The following TMEM185A variants were observed in gnomAD, a reference collection of about 807,000 sequenced individuals.
TMEM185A encodes transmembrane protein 185A, also known as family with sequence similarity 11, member A.
A neutral mutation model predicts 25.0 loss-of-function variants in TMEM185A; 9 were observed. The observed-to-expected ratio is 0.36, with a 90% CI of 0.22 to 0.63. TMEM185A has a LOEUF of 0.63. TMEM185A is among the 20% of genes least tolerant of loss of function. The pLI is 0.68. For synonymous variants in TMEM185A, 45 were observed against 93.5 expected, an observed-to-expected ratio of 0.48 and a Z score of 2.99; for missense variants, 103 against 237.4, an observed-to-expected ratio of 0.43 and a Z score of 3.72.
At chrX:149,598,746 A>G (rs1288119165) in intron 6 of TMEM185A, among the ~76,000 whole-genome samples, 1 of 80,561 alleles carries the variant, frequency 1.2e-5, no homozygotes, top group Non-Finnish European at 2.2e-5. Context: ...ACCCTCTGGA[A>G]TCCGTGAGGG....
intron 2 of TMEM185A, among the ~76,000 whole-genome samples, chrX:149,609,563 T>C (rs2090070861): frequency 8.9e-6 from 1 of 112,593 alleles, no homozygotes; most frequent in Non-Finnish European, 1.9e-5. Flanking sequence ...AGGCCGCTAA[T>C]CAGGAAAAGG....
intron 4 of TMEM185A, among the ~76,000 whole-genome samples, chrX:149,603,008 C>T (rs1031862491): frequency 8.9e-6 from 1 of 112,006 alleles, no homozygotes; most frequent in African/African-American, 3.2e-5. Context: ...CAAAATTATA[C>T]ATCAAACAAC....
intron 1 of TMEM185A, among the ~76,000 whole-genome samples, chrX:149,613,044 T>G (rs2090092559): frequency 8.9e-6 from 1 of 111,953 alleles, no homozygotes; most frequent in Non-Finnish European, 1.9e-5. Flanking sequence ...GTCCACCTGG[T>G]TAAGCCAGGC....
chrX:149,599,459 G>A lies in TMEM185A; in HGVS notation c.808+95C>T, dbSNP rs2090008414. 5 of 751,418 alleles carry A rather than the reference G, an allele frequency of 6.7e-6. No homozygotes were observed. In the South Asian group the frequency reaches 1.1e-4, roughly 17 times the overall value. 61.9% of individuals were successfully genotyped at this position (751,418 alleles called of 1,213,427 possible). A position where few individuals can be genotyped will look rare whatever the true frequency, so the allele number is the denominator to read the frequency against. ...CAAGCTTCTAAATTGGGGCCCTCGG[G>A]GACTCATCCCTTCCTAGACTTCTAT... On this transcript the variant is annotated intron_variant, in intron 6 of 6. Coordinates refer to ENST00000600449, the MANE Select transcript of TMEM185A (RefSeq NM_032508.4).
chrX:149,611,168 T>C (rs1395877806), intron 2 of TMEM185A, 119 bp downstream of exon 2: 33 of 663,055 alleles, frequency 5.0e-5, no homozygotes, highest in Non-Finnish European at 7.2e-5. Context: ...GCTTATACTA[T>C]AGTTCTAAGA....
intron 1 of TMEM185A, among the ~76,000 whole-genome samples, chrX:149,623,648 T>C (rs782017332): frequency 1.2e-3 from 130 of 107,637 alleles, no homozygotes; most frequent in African/African-American, 4.2e-3. Flanking sequence ...AAAAGAAAAC[T>C]AGTAAACTGA....
intron 1 of TMEM185A, among the ~76,000 whole-genome samples, chrX:149,621,889 T>C (rs1238745841): frequency 8.9e-6 from 1 of 112,040 alleles, no homozygotes; most frequent in African/African-American, 3.3e-5. Context: ...TCCAGAATAA[T>C]CTATTTTAAG....
At chrX:149,623,426 G>T (rs370311095) in intron 1 of TMEM185A, among the ~76,000 whole-genome samples, 3 of 111,754 alleles carry the variant, frequency 2.7e-5, no homozygotes, top group Non-Finnish European at 5.6e-5. Flanking sequence ...AATCAGTAGA[G>T]ACCAGAGGTA....
At chrX:149,602,636 C>T (rs182456130) in intron 4 of TMEM185A, among the ~76,000 whole-genome samples, 34 of 112,336 alleles carry the variant, frequency 3.0e-4, no homozygotes, top group African/African-American at 1.0e-3. Flanking sequence ...GGATGAAGGG[C>T]AGAAAAAATC....
At chrX:149,607,780 C>T (rs1252007592) in intron 3 of TMEM185A, among the ~76,000 whole-genome samples, 1 of 111,736 alleles carries the variant, frequency 8.9e-6, no homozygotes, top group Non-Finnish European at 1.9e-5. Context: ...GGGAGATGGT[C>T]AGTTTTGAGT....
intron 4 of TMEM185A, among the ~76,000 whole-genome samples, chrX:149,603,112 C>T (rs73240494): frequency 0.023 from 2,623 of 111,659 alleles, 41 homozygotes; most frequent in Non-Finnish European, 0.035. Flanking sequence ...TTTTTCCATG[C>T]ATTTAATAGT....
intron 4 of TMEM185A, among the ~76,000 whole-genome samples, chrX:149,603,497 C>T (rs1375623416): frequency 9.0e-6 from 1 of 111,432 alleles, no homozygotes; most frequent in Non-Finnish European, 1.9e-5. Context: ...AGTTCCCAAC[C>T]TCTAGCTCAG....
intron 3 of TMEM185A, among the ~76,000 whole-genome samples, chrX:149,604,791 C>A (rs1431897132): frequency 9.0e-6 from 1 of 110,989 alleles, no homozygotes; most frequent in Non-Finnish European, 1.9e-5. Flanking sequence ...TCAAAGTCAC[C>A]GATAACCGGG....
intron 1 of TMEM185A, among the ~76,000 whole-genome samples, chrX:149,619,591 T>C (rs2090129174): frequency 9.1e-6 from 1 of 109,531 alleles, no homozygotes; most frequent in African/African-American, 3.3e-5. Flanking sequence ...CATGCTGGTG[T>C]GCTGCACCCA....
At chrX:149,630,271 T>C (rs904595400) in intron 1 of TMEM185A, among the ~76,000 whole-genome samples, 2 of 111,559 alleles carry the variant, frequency 1.8e-5, no homozygotes, top group African/African-American at 6.5e-5. Context: ...CAAGTTAAAA[T>C]GTCACCATCC....
chrX:149,628,872 C>G (rs975796435), intron 1 of TMEM185A, among the ~76,000 whole-genome samples: 1 of 112,187 alleles, frequency 8.9e-6, no homozygotes, highest in Non-Finnish European at 1.9e-5. Flanking sequence ...AAAGCAGCAG[C>G]TCTAGATTTA....
chrX:149,604,165 A>T, intron 3 of TMEM185A, 95 bp from the exon 4 acceptor site: 1 of 551,786 alleles, frequency 1.8e-6, no homozygotes, highest in Non-Finnish European at 3.0e-6. Flanking sequence ...TACACATTAT[A>T]ATACAGTGTA....
chrX:149,618,319 G>C (rs1243499673), intron 1 of TMEM185A, among the ~76,000 whole-genome samples: 19 of 110,907 alleles, frequency 1.7e-4, no homozygotes, highest in African/African-American at 6.2e-4. Flanking sequence ...AAAGGGAGGA[G>C]GGTTGTAAGA....
intron 1 of TMEM185A, among the ~76,000 whole-genome samples, chrX:149,629,136 G>C (rs2090178473): frequency 9.0e-6 from 1 of 111,607 alleles, no homozygotes; most frequent in South Asian, 3.8e-4. Context: ...AATCTGGTCA[G>C]GGAAGTCAGG....
Sources: allele counts gnomAD v4.1 joint callset (sites outside exome capture counted in the v4.1 genomes callset), GRCh38; gene constraint gnomAD v4.1.1; transcripts MANE v1.5; gene names NCBI Gene and HGNC (gene_info 2026-07-23, HGNC 2026-07-21).